Variants in POU6F2 observed in about 807,000 individuals in gnomAD.
POU6F2 encodes the protein POU class 6 homeobox 2.
In POU6F2, 31 loss-of-function variants were observed where a neutral mutation model predicts 71.3. That is an observed-to-expected ratio of 0.43 (90% CI 0.33 to 0.59). The LOEUF (loss-of-function observed/expected upper bound fraction) is 0.59, where lower values mean the gene tolerates loss of function less well. POU6F2 is among the 20% of genes least tolerant of loss of function. The pLI is 0.04. For synonymous variants in POU6F2, 347 were observed against 355.7 expected, an observed-to-expected ratio of 0.98 and a Z score of 0.27; for missense variants, 783 against 856.8, an observed-to-expected ratio of 0.91 and a Z score of 1.07.
At chr7:39,336,503 G>A (rs930443441) in intron 4 of POU6F2, among the ~76,000 whole-genome samples, 2 of 152,182 alleles carry the variant, frequency 1.3e-5, no homozygotes, top group African/African-American at 4.8e-5. Flanking sequence ...CTTGCACCGA[G>A]GGGCTGGGAT....
chr7:39,101,111 T>A (rs1274768781), intron 2 of POU6F2, among the ~76,000 whole-genome samples: 1 of 149,982 alleles, frequency 6.7e-6, no homozygotes, highest in Non-Finnish European at 1.5e-5. Context: ...TTTGCTCCTG[T>A]CACCCAGGCT....
At chr7:39,399,090 G>GT (rs1787240596) in intron 5 of POU6F2, among the ~76,000 whole-genome samples, 2 of 152,134 alleles carry the variant, frequency 1.3e-5, no homozygotes, top group African/African-American at 2.4e-5. Context: ...GAGCAACTCT[G>GT]TGCTGCCTCT....
At chr7:39,416,611 T>C (rs1402962123) in intron 6 of POU6F2, among the ~76,000 whole-genome samples, 1 of 152,136 alleles carries the variant, frequency 6.6e-6, no homozygotes, top group Non-Finnish European at 1.5e-5. Flanking sequence ...AAGAGAAATA[T>C]CGAATGCTGT....
chr7:39,039,064 T>G (rs568909048), intron 1 of POU6F2, among the ~76,000 whole-genome samples: 1 of 152,058 alleles, frequency 6.6e-6, no homozygotes, highest in Non-Finnish European at 1.5e-5. Flanking sequence ...ACATAAGTTT[T>G]GTTGGACAAT....
intron 4 of POU6F2, among the ~76,000 whole-genome samples, chr7:39,256,323 A>G (rs1205256774): frequency 6.6e-6 from 1 of 152,184 alleles, no homozygotes; most frequent in African/African-American, 2.4e-5. Context: ...CCATAGGCCA[A>G]TAAGCATAGG....
At chr7:39,461,862 G>A (rs1189042454) in intron 9 of POU6F2, among the ~76,000 whole-genome samples, 1 of 152,118 alleles carries the variant, frequency 6.6e-6, no homozygotes, top group East Asian at 1.9e-4. Flanking sequence ...ACTACTGCTG[G>A]GAAATTTGTT....
At chr7:39,451,810 C>A in intron 8 of POU6F2, 109 bp downstream of exon 8, 1 of 1,323,670 alleles carries the variant, frequency 7.6e-7, no homozygotes, top group South Asian at 1.4e-5. Context: ...CTCTTTCTCT[C>A]AACCCTGCAC....
intron 2 of POU6F2, among the ~76,000 whole-genome samples, chr7:39,145,136 T>G (rs147672046): frequency 3.5e-4 from 54 of 152,362 alleles, no homozygotes; most frequent in Admixed American, 1.7e-3. Context: ...AAAAGTAAAC[T>G]ATTTTTTGCC....
At position 39,254,828 on chromosome 7, in the gene POU6F2, G is replaced by A. The variant is rs1024264339; in HGVS notation, c.598+47208G>A. 2.6e-5 allele frequency among the ~76,000 whole-genome samples: 4 copies of A among 152,194 alleles called. 1 individual carries two copies. The highest frequency in any genetic ancestry group is 2.6e-4 in the Admixed American group (4 of 15,280). ...GCCACAACACATGTATCTTCTAAGA[G>A]AGGATTAATTTTGAGCTGAAGAAAG... is the stretch of plus-strand genomic sequence containing the variant. On this transcript the variant is annotated intron_variant, in intron 4 of 9. Coordinates refer to ENST00000518318, the MANE Select transcript of POU6F2 (RefSeq NM_001370959.1).
chr7:39,262,663 T>C (rs551962436), intron 4 of POU6F2, among the ~76,000 whole-genome samples: 125 of 152,348 alleles, frequency 8.2e-4, no homozygotes, highest in South Asian at 1.9e-3. Context: ...ATGAGTAGAA[T>C]TGCCATATCA....
rs1583625083 is a variant in POU6F2, at chr7:39,464,309, A to T, written c.1786A>T (p.Thr596Ser). 6.2e-7 allele frequency: 1 copy of T among 1,613,752 alleles called. No individual in the cohort carries two copies. The highest frequency in any genetic ancestry group is 1.3e-5 in the African/African-American group (1 of 74,876). The change falls in exon 10 of 10, where the codon ACC becomes TCC. Residue 596 changes from threonine to serine, a missense_variant. Physicochemically the swap from Thr to Ser is moderately conservative, Grantham distance 58 (BLOSUM62 1). This residue lies in a region of POU6F2 where 211 missense variants were observed against 283.9 expected (regional missense o/e 0.74). Coordinates refer to ENST00000518318, the MANE Select transcript of POU6F2 (RefSeq NM_001370959.1). This position sits in a 1 kb window ranked among gnomAD's most constrained non-coding sequence, Gnocchi z 4.1. ...TGCCAGGTTTGAAAAGCTGGACATC[A>T]CCCCTAAAAGTGCCCAGAAGATCAA... ...YPARFEKLDI[T>S]PKSAQKIKPV...
chr7:39,284,130 G>A (rs1159692809), intron 4 of POU6F2, among the ~76,000 whole-genome samples: 1 of 152,170 alleles, frequency 6.6e-6, no homozygotes, highest in Non-Finnish European at 1.5e-5. Flanking sequence ...AAAGAGATTT[G>A]GTAGTAAGAT....
chr7:39,382,836 C>G (rs907691168), intron 5 of POU6F2, among the ~76,000 whole-genome samples: 1 of 152,028 alleles, frequency 6.6e-6, no homozygotes, highest in Non-Finnish European at 1.5e-5. Flanking sequence ...ACCCCAGAAA[C>G]AGGACTGGGG....
intron 4 of POU6F2, among the ~76,000 whole-genome samples, chr7:39,334,131 C>T (rs1417938160): frequency 6.6e-6 from 1 of 152,192 alleles, no homozygotes; most frequent in African/African-American, 2.4e-5. Flanking sequence ...ACTTAGATCT[C>T]TGCCTTAAAT....
intron 6 of POU6F2, among the ~76,000 whole-genome samples, chr7:39,408,290 C>T (rs1451063440): frequency 6.6e-6 from 1 of 152,052 alleles, no homozygotes; most frequent in Non-Finnish European, 1.5e-5. Context: ...TTTTTTGTTC[C>T]TACATCTAAG....
chr7:39,391,710 TA>T (rs1184439098), intron 5 of POU6F2, among the ~76,000 whole-genome samples: 1 of 152,224 alleles, frequency 6.6e-6, no homozygotes, highest in East Asian at 1.9e-4. Flanking sequence ...CCTTCTGCAG[TA>T]CTGTCCTTCA....
intron 2 of POU6F2, among the ~76,000 whole-genome samples, chr7:39,121,494 G>T (rs981018103): frequency 2.6e-5 from 4 of 152,134 alleles, no homozygotes; most frequent in African/African-American, 9.7e-5. Context: ...AGAAAAGATT[G>T]GTCAACATTC....
At chr7:39,391,684 A>G (rs529730286) in intron 5 of POU6F2, among the ~76,000 whole-genome samples, 1 of 152,202 alleles carries the variant, frequency 6.6e-6, no homozygotes, top group African/African-American at 2.4e-5. Flanking sequence ...GCGACAACCA[A>G]CCCTTTCTCT....
intron 4 of POU6F2, among the ~76,000 whole-genome samples, chr7:39,239,656 A>G (rs568460894): frequency 1.5e-4 from 23 of 152,270 alleles, no homozygotes; most frequent in African/African-American, 5.5e-4. Flanking sequence ...ATTAAATAAA[A>G]TTACAACTGA....
Sources: gnomAD v4.1 joint callset for allele counts (sites outside exome capture counted in the v4.1 genomes callset) on GRCh38, gnomAD v4.1.1 for gene constraint, gnomAD v4.1.1 regional missense constraint, Gnocchi (gnomAD v3.1) non-coding constraint, MANE v1.5 for transcripts, NCBI Gene and HGNC (gene_info 2026-07-23, HGNC 2026-07-21) for gene names.